Variants in CEP63 observed in about 807,000 individuals in gnomAD.
The protein encoded by CEP63 is centrosomal protein of 63 kDa.
A neutral mutation model predicts 89.1 loss-of-function variants in CEP63; 84 were observed. The observed-to-expected ratio is 0.94, with a 90% CI of 0.79 to 1.13. The LOEUF is 1.13. Ranked by LOEUF, CEP63 falls within the 50% of genes most tolerant of loss-of-function variation. The pLI is 0.00. For synonymous variants in CEP63, 267 were observed against 272.5 expected, an observed-to-expected ratio of 0.98 and a Z score of 0.20; for missense variants, 838 against 813.3, an observed-to-expected ratio of 1.03 and a Z score of -0.37.
chr3:134,576,101 T>G (rs969496036), downstream of CEP63, among the ~76,000 whole-genome samples: 2 of 152,206 alleles, frequency 1.3e-5, no homozygotes, highest in Admixed American at 6.5e-5. Flanking sequence ...TTGTTTATGC[T>G]TTTCACGGGA....
the CEP63 span, among the ~76,000 whole-genome samples, chr3:134,701,919 C>A: frequency 6.6e-6 from 1 of 152,080 alleles, no homozygotes; most frequent in Non-Finnish European, 1.5e-5. Flanking sequence ...TACATCCCTC[C>A]CCATCCCACA....
At chr3:134,519,297 C>CA (rs879389034) in intron 3 of CEP63, among the ~76,000 whole-genome samples, 3 of 144,712 alleles carry the variant, frequency 2.1e-5, no homozygotes, top group Non-Finnish European at 4.6e-5. Context: ...CTAATTTTTG[C>CA]TTTTTTTTTT....
chr3:134,604,570 CT>C, the CEP63 span: 2 of 1,080,336 alleles, frequency 1.9e-6, no homozygotes, highest in Non-Finnish European at 2.7e-6. Flanking sequence ...GAAAAACGTC[CT>C]GACTTATAGA....
chr3:134,675,891 G>A, the CEP63 span, among the ~76,000 whole-genome samples: 6 of 152,194 alleles, frequency 3.9e-5, no homozygotes, highest in Admixed American at 3.9e-4. Flanking sequence ...ACAAGTGTTG[G>A]CAAAGATGCA....
the CEP63 span, among the ~76,000 whole-genome samples, chr3:134,650,454 G>C: frequency 6.6e-6 from 1 of 152,160 alleles, no homozygotes. Context: ...CTGTGGGGGG[G>C]AGCAGGCCTC....
the CEP63 span, chr3:134,615,057 T>A: frequency 1.3e-5 from 2 of 152,252 alleles, no homozygotes; most frequent in African/African-American, 4.8e-5. Flanking sequence ...ACAATTTATG[T>A]ACTTGATTTC....
At chr3:134,646,527 A>C in the CEP63 span, among the ~76,000 whole-genome samples, 1 of 152,184 alleles carries the variant, frequency 6.6e-6, no homozygotes, top group Non-Finnish European at 1.5e-5. Flanking sequence ...CCTGGCACAA[A>C]GTAAGCACTA....
chr3:134,703,400 A>C, the CEP63 span, among the ~76,000 whole-genome samples: 1 of 152,230 alleles, frequency 6.6e-6, no homozygotes, highest in East Asian at 1.9e-4. Context: ...GATAGACTGG[A>C]TAAGGGAAAT....
the CEP63 span, among the ~76,000 whole-genome samples, chr3:134,599,276 T>C: frequency 6.6e-6 from 1 of 152,220 alleles, no homozygotes; most frequent in Admixed American, 6.5e-5. Context: ...TGACTTCCTC[T>C]TAATATGCTG....
chr3:134,614,616 C>T, the CEP63 span, among the ~76,000 whole-genome samples: 50 of 152,158 alleles, frequency 3.3e-4, no homozygotes, highest in Admixed American at 3.2e-3. Context: ...ACCTGGGTTA[C>T]CCTTGATGAA....
chr3:134,584,017 C>T (rs1214611500), intron 10 of CEP63, among the ~76,000 whole-genome samples: 1 of 152,144 alleles, frequency 6.6e-6, no homozygotes, highest in Admixed American at 6.5e-5. Context: ...GATTTTTGCA[C>T]ATTGATTTTG....
chr3:134,561,525 C>T lies in CEP63; in HGVS notation c.2102C>T (p.Ala701Val). The part of the protein sequence containing the change: ...ESEKTVRQFT[A>V]LK The stretch of plus-strand genomic sequence containing the variant: ...GAAAAGACAGTGAGACAATTCACAG[C>T]CTTAAAGTAGCCTCTTAAAAAAATC... The change falls in exon 15 of 15, where the codon GCC becomes GTC. Residue 701 changes from alanine to valine, a missense_variant. Physicochemically the swap from Ala to Val is moderately conservative, Grantham distance 64. Coordinates refer to ENST00000675561, the MANE Select transcript of CEP63 (RefSeq NM_001353108.3). 1 of 1,613,242 alleles carries T rather than the reference C, an allele frequency of 6.2e-7. No homozygotes were observed. Among genetic ancestry groups the T allele is most frequent in the Non-Finnish European group, 8.5e-7 (1 of 1,179,612 alleles).
chr3:134,741,747 G>C, the CEP63 span, among the ~76,000 whole-genome samples: 18 of 152,174 alleles, frequency 1.2e-4, no homozygotes, highest in Middle Eastern at 3.2e-3. Context: ...TCATGGTTTT[G>C]CATTTCCATT....
At chr3:134,644,148 A>G in the CEP63 span, among the ~76,000 whole-genome samples, 1 of 151,836 alleles carries the variant, frequency 6.6e-6, no homozygotes, top group Admixed American at 6.6e-5. Context: ...CTTAATGAGA[A>G]GAACAGGGGG....
At chr3:134,738,114 T>A in the CEP63 span, among the ~76,000 whole-genome samples, 4 of 152,152 alleles carry the variant, frequency 2.6e-5, no homozygotes, top group African/African-American at 9.7e-5. Flanking sequence ...TTTCACACCA[T>A]CAGGATGGCA....
chr3:134,647,476 C>T, the CEP63 span: 1 of 1,611,668 alleles, frequency 6.2e-7, no homozygotes, highest in Non-Finnish European at 8.5e-7. Flanking sequence ...TCTTCGGACT[C>T]CATTTCCAAC....
the CEP63 span, chr3:134,604,238 G>T: frequency 2.5e-6 from 4 of 1,613,542 alleles, no homozygotes; most frequent in Non-Finnish European, 3.4e-6. Flanking sequence ...GCAGGCAGCT[G>T]GACACCCATG....
chr3:134,651,330 T>A, the CEP63 span: 3 of 1,163,618 alleles, frequency 2.6e-6, no homozygotes, highest in Non-Finnish European at 3.2e-6. Context: ...CCAGGGCTTC[T>A]CTGGCTGAGC....
At position 134,510,955 on chromosome 3, in the gene CEP63, AC is replaced by A. The variant is rs1576908817; in HGVS notation, c.222+3673del. ...TCCTCAGAACTTTTCAGGGACGTTT[AC>A]CCCTTGTCCACCTTTGATTTTTTTT... On this transcript the variant is annotated intron_variant, in intron 3 of 14. Transcript: ENST00000675561. 1.8e-5 allele frequency: 3 copies of A among 165,584 alleles called. No homozygotes were observed. In the East Asian group the frequency reaches 5.6e-4, roughly 31 times the overall value. The allele number at this position is 165,584 out of a possible 1,614,324, so 10.3% of individuals were successfully genotyped here. A position where few individuals can be genotyped will look rare whatever the true frequency, so the allele number is the denominator to read the frequency against.
Sources: allele counts gnomAD v4.1 joint callset (sites outside exome capture counted in the v4.1 genomes callset), GRCh38; gene constraint gnomAD v4.1.1; transcripts MANE v1.5; gene names NCBI Gene and HGNC (gene_info 2026-07-23, HGNC 2026-07-21).